TBL1XR1: variants seen among roughly 807,000 people sequenced by gnomAD.
TBL1XR1 encodes F-box-like/WD repeat-containing protein TBL1XR1.
In TBL1XR1, 5 loss-of-function variants were observed where a neutral mutation model predicts 66.9. That is an observed-to-expected ratio of 0.07 (90% CI 0.04 to 0.16). TBL1XR1 has a LOEUF of 0.16. Ranked by LOEUF, TBL1XR1 falls within the 10% of genes least tolerant of loss-of-function variation. The probability of loss-of-function intolerance (pLI) is 1.00; values close to 1 mark genes in which losing one functional copy is unlikely to be tolerated. For missense variants in TBL1XR1, 238 were observed against 623.2 expected, an observed-to-expected ratio of 0.38 and a Z score of 6.58; for synonymous variants, 210 against 206.0, an observed-to-expected ratio of 1.02 and a Z score of -0.17.
intron 14 of TBL1XR1, among the ~76,000 whole-genome samples, chr3:177,031,788 A>G (rs961449075): frequency 2.6e-5 from 4 of 151,198 alleles, no homozygotes; most frequent in South Asian, 2.1e-4. Flanking sequence ...AATAAATATT[A>G]AAAAATTTTA....
At chr3:177,039,270 A>T (rs1438930282) in intron 10 of TBL1XR1, among the ~76,000 whole-genome samples, 1 of 152,192 alleles carries the variant, frequency 6.6e-6, no homozygotes, top group Non-Finnish European at 1.5e-5. Context: ...GGGATACTAA[A>T]CTTGTACTAT....
At chr3:177,098,009 C>G (rs1345020064) in intron 2 of TBL1XR1, among the ~76,000 whole-genome samples, 1 of 152,132 alleles carries the variant, frequency 6.6e-6, no homozygotes, top group Non-Finnish European at 1.5e-5. Context: ...GGGTTCGAGA[C>G]CAGCCTGGCC....
chr3:177,049,595 C>T (rs552505156), intron 7 of TBL1XR1, among the ~76,000 whole-genome samples: 1 of 152,218 alleles, frequency 6.6e-6, no homozygotes, highest in East Asian at 1.9e-4. Context: ...TTTTTTGCTA[C>T]ACAGAATTCT....
chr3:177,071,846 C>T (rs1720057078), intron 2 of TBL1XR1, among the ~76,000 whole-genome samples: 4 of 152,042 alleles, frequency 2.6e-5, no homozygotes, highest in African/African-American at 9.7e-5. Context: ...TAGGAGAAAT[C>T]CACCATGAAA....
At chr3:177,075,162 A>G (rs1305612931) in intron 2 of TBL1XR1, among the ~76,000 whole-genome samples, 1 of 152,238 alleles carries the variant, frequency 6.6e-6, no homozygotes, top group Non-Finnish European at 1.5e-5. Flanking sequence ...TCCAACGGAA[A>G]AGAGAGTCGT....
intron 1 of TBL1XR1, among the ~76,000 whole-genome samples, chr3:177,176,089 CAAAT>C (rs200337284): frequency 0.032 from 4,766 of 150,584 alleles, 247 homozygotes; most frequent in African/African-American, 0.11. Context: ...TTAAAATAAA[CAAAT>C]AAATAAATTT....
intron 1 of TBL1XR1, among the ~76,000 whole-genome samples, chr3:177,117,970 A>G (rs1726512379): frequency 6.6e-6 from 1 of 152,208 alleles, no homozygotes; most frequent in African/African-American, 2.4e-5. Flanking sequence ...CCAGGAGTCT[A>G]TCGTAGGTAG....
At chr3:177,163,471 T>C (rs1263497134) in intron 1 of TBL1XR1, among the ~76,000 whole-genome samples, 1 of 151,396 alleles carries the variant, frequency 6.6e-6, no homozygotes, top group African/African-American at 2.4e-5. Context: ...ATCATGCCAT[T>C]ACCATCCAGC....
chr3:177,054,080 G>GCGCGC (rs1717491464), intron 3 of TBL1XR1, among the ~76,000 whole-genome samples, 162 bp from the exon 4 acceptor site: 1 of 151,832 alleles, frequency 6.6e-6, no homozygotes, highest in African/African-American at 2.4e-5. Flanking sequence ...GTGTGCGCGC[G>GCGCGC]CGTGTGTGTG....
At chr3:177,127,721 G>C (rs1727813542) in intron 1 of TBL1XR1, among the ~76,000 whole-genome samples, 1 of 152,162 alleles carries the variant, frequency 6.6e-6, no homozygotes, top group Admixed American at 6.5e-5. Flanking sequence ...AAACACTATT[G>C]AGTCACTTTA....
In TBL1XR1 at chr3:177,098,548, A is replaced by C. The variant is rs1723792969; in HGVS notation, c.-121-7T>G. 1.0e-6 allele frequency: 1 copy of C among 985,582 alleles called. No homozygotes were observed. The highest frequency in any genetic ancestry group is 6.1e-5 in the Admixed American group (1 of 16,270). 61.1% of individuals were successfully genotyped at this position (985,582 alleles called of 1,614,324 possible). A position where few individuals can be genotyped will look rare whatever the true frequency, so the allele number is the denominator to read the frequency against. On this transcript the variant is annotated splice_polypyrimidine_tract_variant and splice_region_variant and intron_variant, in intron 1 of 15. Transcript: ENST00000457928. ...CAAGTTGCTGTTGTTGATGCTGAGG[A>C]AAAGGAAAGTAAAGTATTCAATGTG...
chr3:177,024,344 C>T lies in TBL1XR1; in HGVS notation c.*1154G>A, dbSNP rs1234958400. 6.6e-6 allele frequency: 1 copy of T among 152,414 alleles called. No homozygotes were observed. Among genetic ancestry groups the T allele is most frequent in the Non-Finnish European group, 1.5e-5 (1 of 67,972 alleles). 9.4% of individuals were successfully genotyped at this position (152,414 alleles called of 1,614,324 possible). A position where few individuals can be genotyped will look rare whatever the true frequency, so the allele number is the denominator to read the frequency against. On this transcript the variant is annotated 3_prime_UTR_variant, in exon 16 of 16. Coordinates refer to ENST00000457928, the MANE Select transcript of TBL1XR1 (RefSeq NM_024665.7). ...GGCAGTGTTATATGCCGTTATCTTG[C>T]TTTGTATAAAGAAAACAACATGAGA...
At position 177,106,499 on chromosome 3, in the gene TBL1XR1, C is replaced by A. The variant is rs144285834; in HGVS notation, c.-121-7958G>T. 7.9e-5 allele frequency among the ~76,000 whole-genome samples: 12 copies of A among 152,256 alleles called. No individual in the cohort carries two copies. In the East Asian group the frequency reaches 2.3e-3, roughly 29 times the overall value. ...AAAATAAATTACAAAAAGGAAGCCA[C>A]GTGGTATCGGAGGTTAAGAGCCTGG... On this transcript the variant is annotated intron_variant, in intron 1 of 15. Coordinates refer to ENST00000457928, the MANE Select transcript of TBL1XR1 (RefSeq NM_024665.7).
rs573519802 is a variant in TBL1XR1 at position 177,040,419 on chromosome 3, C to G, written c.926-1985G>C. On this transcript the variant is annotated intron_variant, in intron 10 of 15. Coordinates refer to ENST00000457928, the MANE Select transcript of TBL1XR1 (RefSeq NM_024665.7). ...ACGTCTGTGGAAAGGGAAAACAAAG[C>G]CACAAACTCCCTCATTGTGTATATC... Among the ~76,000 whole-genome samples the G allele has an allele frequency of 2.0e-5, 3 of 152,258 alleles. No individual in the cohort carries two copies. In the East Asian group the frequency reaches 5.8e-4, roughly 29 times the overall value.
At chr3:177,147,462 C>T (rs62296587) in intron 1 of TBL1XR1, among the ~76,000 whole-genome samples, 9,346 of 152,180 alleles carry the variant, frequency 0.061, 377 homozygotes, top group South Asian at 0.16. Context: ...CACTTTTGAG[C>T]CAAAGTGCAA....
At position 177,019,389 on chromosome 3, in the gene TBL1XR1, TTAAATTG is replaced by T. The variant is rs1712083386; in HGVS notation, c.*6102_*6108del. 1.3e-5 allele frequency: 2 copies of T among 152,120 alleles called. No homozygotes were observed. The highest frequency in any genetic ancestry group is 2.9e-5 in the Non-Finnish European group (2 of 68,008). 9.4% of individuals were successfully genotyped at this position (152,120 alleles called of 1,614,324 possible). ...CTAAACACTTTGTGTTTAATATATTTTAAATTGTAAAGAAATTACAAGGAACTCCTAA... is the reference window on the plus strand; with the variant it reads ...CTAAACACTTTGTGTTTAATATATTTTAAAGAAATTACAAGGAACTCCTAA... On this transcript the variant is annotated 3_prime_UTR_variant, in exon 16 of 16. Coordinates refer to ENST00000457928, the MANE Select transcript of TBL1XR1 (RefSeq NM_024665.7).
rs551646197 is a variant in TBL1XR1, at chr3:177,074,995, T to G, written c.-45-9973A>C. 2.6e-5 allele frequency among the ~76,000 whole-genome samples: 4 copies of G among 152,358 alleles called. No individual in the cohort carries two copies. The South Asian group carries it at 8.3e-4, about 32-fold the overall frequency. ...GACAACAGCCCCAAAGACCACAAAG[T>G]ACTCTCAAAATCCACATGTCCTTCT... On this transcript the variant is annotated intron_variant, in intron 2 of 15. Transcript: ENST00000457928.
At chr3:177,077,101 G>A (rs77655977) in intron 2 of TBL1XR1, among the ~76,000 whole-genome samples, 2 of 152,292 alleles carry the variant, frequency 1.3e-5, no homozygotes, top group East Asian at 3.9e-4. Flanking sequence ...AAATGAATGA[G>A]AAAGAACATT....
chr3:177,083,088 A>AT (rs562375402), intron 2 of TBL1XR1, among the ~76,000 whole-genome samples: 231 of 151,020 alleles, frequency 1.5e-3, no homozygotes, highest in South Asian at 2.5e-3. Context: ...ATCATACAGC[A>AT]TTTTTTTTTG....
Sources: allele counts gnomAD v4.1 joint callset (sites outside exome capture counted in the v4.1 genomes callset), GRCh38; gene constraint gnomAD v4.1.1; transcripts MANE v1.5; gene names NCBI Gene and HGNC (gene_info 2026-07-23, HGNC 2026-07-21).